Variants in IL12RB1 observed in about 807,000 individuals in gnomAD.
IL12RB1 encodes the protein interleukin-12 receptor subunit beta-1.
In IL12RB1, 64 loss-of-function variants were observed where a neutral mutation model predicts 94.4. The ratio of observed to expected loss-of-function variants is 0.68; its 90% CI spans 0.55 to 0.83. IL12RB1 has a LOEUF of 0.83. Among genes scored for constraint, IL12RB1 ranks in the 40% least tolerant of loss-of-function variants. The pLI is 0.00. For synonymous variants in IL12RB1, 362 were observed against 355.5 expected (o/e 1.02, Z -0.21); for missense variants, 814 against 855.6 (o/e 0.95, Z 0.61).
At chr19:18,065,031 CT>C (rs2034478835) in intron 12 of IL12RB1, among the ~76,000 whole-genome samples, 1 of 152,184 alleles carries the variant, frequency 6.6e-6, no homozygotes, top group Non-Finnish European at 1.5e-5. Flanking sequence ...TAAACCGCCC[CT>C]TCATTTGCAT....
intron 12 of IL12RB1, among the ~76,000 whole-genome samples, chr19:18,065,450 C>T (rs560146409): frequency 6.6e-6 from 1 of 152,242 alleles, no homozygotes; most frequent in Non-Finnish European, 1.5e-5. Flanking sequence ...TCAAGTTCAG[C>T]TGGGTGCTCA....
chr19:18,059,652 G>A (rs376834832), intron 16 of IL12RB1, 39 bp from the exon 17 acceptor site: 2 of 780,224 alleles, frequency 2.6e-6, no homozygotes, highest in African/African-American at 1.7e-5. Flanking sequence ...TCAGGGGGTG[G>A]TTGTAGGGAT....
At chr19:18,068,017 C>CTTTTTTTTTTT (rs1216685125) in intron 11 of IL12RB1, among the ~76,000 whole-genome samples, 1 of 59,826 alleles carries the variant, frequency 1.7e-5, no homozygotes, top group African/African-American at 7.0e-5. Flanking sequence ...CAGCATTGTC[C>CTTTTTTTTTTT]TTTTTTTTTT....
chr19:18,085,972 T>A (rs976548208), intron 1 of IL12RB1, among the ~76,000 whole-genome samples: 1 of 151,682 alleles, frequency 6.6e-6, no homozygotes, highest in Non-Finnish European at 1.5e-5. Flanking sequence ...TCTGAGCACT[T>A]TGGGAGGCCA....
intron 2 of IL12RB1, among the ~76,000 whole-genome samples, chr19:18,082,820 G>A (rs1233117042): frequency 1.3e-5 from 2 of 152,042 alleles, no homozygotes; most frequent in African/African-American, 4.8e-5. Context: ...CTCATTCCTG[G>A]AATCCCAGCA....
At position 18,086,751 on chromosome 19, in the gene IL12RB1, G is replaced by C. The variant is rs767708946; in HGVS notation, c.64+9C>G. ...AGAGGAGCCGCCATGCCAGGGTCAG[G>C]GGACTCACCGCCCTGCCTGGACAGC... On this transcript the variant is annotated intron_variant, in intron 1 of 16. Transcript: ENST00000593993. The C allele has an allele frequency of 6.2e-7, 1 of 1,607,572 alleles. No individual in the cohort carries two copies. The highest frequency in any genetic ancestry group is 1.1e-5 in the South Asian group (1 of 90,096).
chr19:18,081,087 T>C, intron 3 of IL12RB1, 86 bp from the exon 4 acceptor site: 1 of 1,244,900 alleles, frequency 8.0e-7, no homozygotes, highest in Non-Finnish European at 1.1e-6. Flanking sequence ...CCCAGCATCG[T>C]TTTTTTGGTG....
chr19:18,069,735 G>A lies in IL12RB1; in HGVS notation c.1022-22C>T, dbSNP rs574400577. ...GGTTCTGGAAGGAGAGGGGAGAGACGCATCGAGACAGTTGCCATCTCTCTC... is the reference window on the plus strand; with the variant it reads ...GGTTCTGGAAGGAGAGGGGAGAGACACATCGAGACAGTTGCCATCTCTCTC... On this transcript the variant is annotated intron_variant, in intron 9 of 16. Transcript: ENST00000593993. The A allele has an allele frequency of 1.8e-5, 28 of 1,578,508 alleles. 1 individual carries two copies. The highest frequency in any genetic ancestry group is 7.7e-5 in the South Asian group (7 of 90,448).
intron 13 of IL12RB1, among the ~76,000 whole-genome samples, chr19:18,062,993 T>C (rs1395414086): frequency 8.4e-6 from 1 of 118,620 alleles, no homozygotes; most frequent in Non-Finnish European, 1.9e-5. Flanking sequence ...GCCTGTGTTG[T>C]TCTCTTCCTC....
At position 18,083,365 on chromosome 19, in the gene IL12RB1, C is replaced by A. The variant is rs541626616; in HGVS notation, c.124+67G>T. 8.8e-6 allele frequency: 13 copies of A among 1,469,620 alleles called. No homozygotes were observed. The East Asian group carries it at 9.1e-5, about 10-fold the overall frequency. The allele number at this position is 1,469,620 out of a possible 1,614,324, so 91.0% of individuals were successfully genotyped here. A position where few individuals can be genotyped will look rare whatever the true frequency, so the allele number is the denominator to read the frequency against. ...CTGGTGGTGGAGGCCATGGGAGGGGCCGCTGTGGATGGGGTCAGGCAGAGC... is the reference window on the plus strand; with the variant it reads ...CTGGTGGTGGAGGCCATGGGAGGGGACGCTGTGGATGGGGTCAGGCAGAGC... On this transcript the variant is annotated intron_variant, in intron 2 of 16. Transcript: ENST00000593993.
chr19:18,081,659 A>G (rs1470382733), intron 3 of IL12RB1, among the ~76,000 whole-genome samples: 3 of 151,776 alleles, frequency 2.0e-5, no homozygotes, highest in African/African-American at 7.3e-5. Flanking sequence ...TGTCTCTACT[A>G]AAAATACAAA....
At chr19:18,072,406 G>T in intron 8 of IL12RB1, 57 bp from the exon 9 acceptor site, 3 of 1,117,988 alleles carry the variant, frequency 2.7e-6, no homozygotes, top group Non-Finnish European at 4.1e-6. Flanking sequence ...TCATCCCATA[G>T]GCAGACAGCA....
intron 4 of IL12RB1, among the ~76,000 whole-genome samples, chr19:18,080,261 A>G (rs1280967005): frequency 2.0e-5 from 3 of 151,318 alleles, no homozygotes; most frequent in African/African-American, 4.9e-5. Context: ...TGTTTTTTAG[A>G]TGGAGTCCTG....
chr19:18,076,808 A>G lies in IL12RB1; in HGVS notation c.550-481T>C, dbSNP rs398875. ...AACCTTCTTTAGGAACATATAAAGCAGTAAAAAATTATTATAACTAAATTT... is the reference window on the plus strand; with the variant it reads ...AACCTTCTTTAGGAACATATAAAGCGGTAAAAAATTATTATAACTAAATTT... On this transcript the variant is annotated intron_variant, in intron 5 of 16. Transcript: ENST00000593993. Among the ~76,000 whole-genome samples, 827 of 152,294 alleles carry G rather than the reference A, an allele frequency of 5.4e-3. 8 individuals are homozygous for G. The highest frequency in any genetic ancestry group is 0.019 in the African/African-American group (786 of 41,568).
At position 18,059,503 on chromosome 19, in the gene IL12RB1, T is replaced by G. The variant is rs1599428882; in HGVS notation, c.*105A>C. On this transcript the variant is annotated 3_prime_UTR_variant, in exon 17 of 17. Transcript: ENST00000593993. ...AGGCACGGGGCAGAGAGGAGGCAGG[T>G]GCACTGGAGCCTGGAGGAGCTCTGG... is the stretch of plus-strand genomic sequence containing the variant. 1 of 736,406 alleles carries G rather than the reference T, an allele frequency of 1.4e-6. No homozygotes were observed. The highest frequency in any genetic ancestry group is 1.4e-5 in the South Asian group (1 of 69,618). 45.6% of individuals were successfully genotyped at this position (736,406 alleles called of 1,614,324 possible).
chr19:18,065,793 T>C (rs544574053), intron 12 of IL12RB1, among the ~76,000 whole-genome samples: 49 of 151,960 alleles, frequency 3.2e-4, no homozygotes, highest in African/African-American at 1.1e-3. Flanking sequence ...CACTCCAGCC[T>C]GGGTGACAGA....
intron 11 of IL12RB1, among the ~76,000 whole-genome samples, 152 bp from the exon 12 acceptor site, chr19:18,066,849 A>G (rs576435838): frequency 2.6e-5 from 4 of 152,154 alleles, no homozygotes; most frequent in African/African-American, 7.2e-5. Flanking sequence ...CAACATGGCA[A>G]AACCCCTTCT....
At chr19:18,088,035 C>A (rs148413938), upstream of IL12RB1, among the ~76,000 whole-genome samples, 263 of 152,216 alleles carry the variant, frequency 1.7e-3, 3 homozygotes, top group African/African-American at 5.9e-3. Context: ...GGGAGGATCA[C>A]TTGACCCCAG....
chr19:18,088,416 T>TAAA (rs1280645610), upstream of IL12RB1, among the ~76,000 whole-genome samples: 5 of 149,784 alleles, frequency 3.3e-5, no homozygotes, highest in African/African-American at 1.2e-4. Context: ...AATTAAAAGT[T>TAAA]AGCCAGTCGT....
Sources: allele counts gnomAD v4.1 joint callset (sites outside exome capture counted in the v4.1 genomes callset), GRCh38; gene constraint gnomAD v4.1.1; transcripts MANE v1.5; gene names NCBI Gene and HGNC (gene_info 2026-07-23, HGNC 2026-07-21).